Variants in HSD11B1 observed in about 807,000 individuals in gnomAD.
The protein encoded by HSD11B1 is 11-beta-hydroxysteroid dehydrogenase 1.
Under a neutral mutation model 22.1 loss-of-function variants are expected in HSD11B1, and 15 were observed. The observed-to-expected ratio is 0.68, with a 90% CI of 0.45 to 1.04. HSD11B1 has a LOEUF of 1.04. HSD11B1 is among the 50% of genes least tolerant of loss of function. The probability of loss-of-function intolerance (pLI) is 0.00; values close to 1 mark genes in which losing one functional copy is unlikely to be tolerated. For synonymous variants in HSD11B1, 122 were observed against 125.2 expected, an observed-to-expected ratio of 0.97 and a Z score of 0.17; for missense variants, 281 against 357.6, an observed-to-expected ratio of 0.79 and a Z score of 1.73.
upstream of HSD11B1, among the ~76,000 whole-genome samples, chr1:209,704,505 G>A (rs2076844038): frequency 6.6e-6 from 1 of 152,000 alleles, no homozygotes; most frequent in South Asian, 2.1e-4. Flanking sequence ...GGCTCTCTTT[G>A]CTATTACTCA....
rs191796401 is a variant in HSD11B1 at position 209,708,790 on chromosome 1, C to T, written c.517+1662C>T. Among the ~76,000 whole-genome samples the T allele has an allele frequency of 1.1e-4, 16 of 152,326 alleles. No homozygotes were observed. In the East Asian group the frequency reaches 3.1e-3, roughly 29 times the overall value. On this transcript the variant is annotated intron_variant, in intron 4 of 5. Coordinates refer to ENST00000367027, the MANE Select transcript of HSD11B1 (RefSeq NM_005525.4). The stretch of plus-strand genomic sequence containing the variant: ...AAGGACTAAGAATTACTGTTGAGCC[C>T]AAGGACGTGATGAAATTCTGATAAT...
intron 4 of HSD11B1, among the ~76,000 whole-genome samples, chr1:209,715,565 G>A (rs2076924921): frequency 6.6e-6 from 1 of 152,152 alleles, no homozygotes; most frequent in South Asian, 2.1e-4. Context: ...ACATTACCAG[G>A]ACACAGAGGC....
At chr1:209,730,227 AG>A (rs2077027196) in intron 4 of HSD11B1, among the ~76,000 whole-genome samples, 1 of 152,238 alleles carries the variant, frequency 6.6e-6, no homozygotes. Flanking sequence ...CCTTCTTCTC[AG>A]GTAATAGTTT....
chr1:209,690,147 T>C (rs2076750815), intron 1 of HSD11B1, among the ~76,000 whole-genome samples: 2 of 151,720 alleles, frequency 1.3e-5, no homozygotes, highest in South Asian at 4.2e-4. Flanking sequence ...GAGACCCCAG[T>C]CTCTACAAAT....
chr1:209,707,165 A>C, intron 4 of HSD11B1, 37 bp downstream of exon 4: 1 of 1,393,932 alleles, frequency 7.2e-7, no homozygotes, highest in South Asian at 1.3e-5. Context: ...AGGTAGAAGA[A>C]AAAAAAAAAT....
rs779069856 is a variant in HSD11B1, at chr1:209,706,658, C to G, written c.220-51C>G. 8.0e-7 allele frequency: 1 copy of G among 1,257,120 alleles called. No homozygotes were observed. The highest frequency in any genetic ancestry group is 1.2e-5 in the South Asian group (1 of 83,698). 77.9% of individuals were successfully genotyped at this position (1,257,120 alleles called of 1,614,324 possible). Reference sequence around the variant, plus strand: ...GCCCCCCGTTACTTCAGAGACTACCCCCCAAAAATCTGCAGCTAAGACTGA... The same window carrying G: ...GCCCCCCGTTACTTCAGAGACTACCGCCCAAAAATCTGCAGCTAAGACTGA... On this transcript the variant is annotated intron_variant, in intron 2 of 5. Transcript: ENST00000367027. This position sits in a 1 kb window ranked among gnomAD's most constrained non-coding sequence, Gnocchi z 4.0.
chr1:209,709,436 G>A (rs973760992), intron 4 of HSD11B1, among the ~76,000 whole-genome samples: 2 of 152,132 alleles, frequency 1.3e-5, no homozygotes, highest in African/African-American at 4.8e-5. Context: ...CCGTTACATT[G>A]ATTAGCCTCC....
rs1467435144 is a variant in HSD11B1, at chr1:209,734,556, T to G, written c.*35T>G. Reference sequence around the variant, plus strand: ...GAGGGCTGGGCATGCTGAGGGATTTTGGGACTGTTCTGTCTCATGTTTATC... The same window carrying G: ...GAGGGCTGGGCATGCTGAGGGATTTGGGGACTGTTCTGTCTCATGTTTATC... On this transcript the variant is annotated 3_prime_UTR_variant, in exon 6 of 6. Transcript: ENST00000367027. The G allele has an allele frequency of 2.7e-6, 4 of 1,479,474 alleles. No homozygotes were observed. Among genetic ancestry groups the G allele is most frequent in the African/African-American group, 2.8e-5 (2 of 72,324 alleles). The allele number at this position is 1,479,474 out of a possible 1,614,324, so 91.6% of individuals were successfully genotyped here. A position where few individuals can be genotyped will look rare whatever the true frequency, so the allele number is the denominator to read the frequency against.
chr1:209,726,586 T>G (rs1225718308), intron 4 of HSD11B1, among the ~76,000 whole-genome samples: 1 of 152,090 alleles, frequency 6.6e-6, no homozygotes, highest in Non-Finnish European at 1.5e-5. Context: ...AGACCCTGTT[T>G]CTAACAACAA....
Position 209,709,933 on chromosome 1 carries a change from G to A in HSD11B1, c.517+2805G>A, listed in dbSNP as rs1453331844. 5.4e-5 allele frequency among the ~76,000 whole-genome samples: 7 copies of A among 129,922 alleles called. No homozygotes were observed. The East Asian group carries it at 1.8e-3, about 34-fold the overall frequency. The allele number at this position is 129,922 out of a possible 152,430, so 85.2% of individuals were successfully genotyped here. ...GTATACCCTCCAGGCCATCCCACAT[G>A]TGAAACACACACACACACACACACA... On this transcript the variant is annotated intron_variant, in intron 4 of 5. Coordinates refer to ENST00000367027, the MANE Select transcript of HSD11B1 (RefSeq NM_005525.4).
rs911183112 is a variant in HSD11B1 at position 209,725,843 on chromosome 1, G to A, written c.518-6593G>A. ...GTCCTTATTTGCACATGGTCCTTAC[G>A]TGCATTGAATTTGAGTACTGGCTTA... On this transcript the variant is annotated intron_variant, in intron 4 of 5. Transcript: ENST00000367027. Among the ~76,000 whole-genome samples, 12 of 152,240 alleles carry A rather than the reference G, an allele frequency of 7.9e-5. No individual in the cohort carries two copies. In the East Asian group the frequency reaches 1.2e-3, roughly 15 times the overall value.
intron 4 of HSD11B1, among the ~76,000 whole-genome samples, chr1:209,729,496 T>C (rs912883410): frequency 1.6e-4 from 24 of 152,072 alleles, no homozygotes; most frequent in South Asian, 6.2e-4. Context: ...ATCTAAACTA[T>C]CTAAATGTTT....
intron 2 of HSD11B1, 44 bp downstream of exon 2, chr1:209,705,985 A>C: frequency 6.2e-7 from 1 of 1,611,948 alleles, no homozygotes; most frequent in Non-Finnish European, 8.5e-7. Context: ...TCACATGCTC[A>C]GATGTGTTCT....
intron 1 of HSD11B1, among the ~76,000 whole-genome samples, chr1:209,686,864 G>A (rs2076731558): frequency 6.6e-6 from 1 of 152,134 alleles, no homozygotes. Context: ...GACCAAGGGA[G>A]GCCTAAACGT....
intron 4 of HSD11B1, among the ~76,000 whole-genome samples, chr1:209,731,843 T>C (rs1438586528): frequency 1.3e-5 from 2 of 152,216 alleles, no homozygotes; most frequent in Admixed American, 6.5e-5. Context: ...GCCTCCCGAG[T>C]AGCTAGGACT....
intron 1 of HSD11B1, among the ~76,000 whole-genome samples, chr1:209,694,063 C>T (rs2076776500): frequency 6.6e-6 from 1 of 152,184 alleles, no homozygotes; most frequent in Non-Finnish European, 1.5e-5. Context: ...GCCCAACCCT[C>T]AAACATGAGT....
intron 4 of HSD11B1, among the ~76,000 whole-genome samples, chr1:209,715,941 T>C (rs891167715): frequency 2.0e-5 from 3 of 152,080 alleles, no homozygotes; most frequent in Non-Finnish European, 4.4e-5. Context: ...GATTCAAAAA[T>C]GGGCAAAGGA....
chr1:209,734,566 C>T lies in HSD11B1; in HGVS notation c.*45C>T. 2 of 1,378,938 alleles carry T rather than the reference C, an allele frequency of 1.5e-6. No individual in the cohort carries two copies. The highest frequency in any genetic ancestry group is 2.1e-6 in the Non-Finnish European group (2 of 971,208). 85.4% of individuals were successfully genotyped at this position (1,378,938 alleles called of 1,614,324 possible). A position where few individuals can be genotyped will look rare whatever the true frequency, so the allele number is the denominator to read the frequency against. On this transcript the variant is annotated 3_prime_UTR_variant, in exon 6 of 6. Transcript: ENST00000367027. ...CATGCTGAGGGATTTTGGGACTGTT[C>T]TGTCTCATGTTTATCTGAGCTCTTA...
intron 4 of HSD11B1, among the ~76,000 whole-genome samples, chr1:209,714,705 G>C (rs889439036): frequency 2.0e-5 from 3 of 152,076 alleles, no homozygotes; most frequent in African/African-American, 7.2e-5. Context: ...TAGCATCCTT[G>C]GCTCTGAATA....
Sources: gnomAD v4.1 joint callset for allele counts (sites outside exome capture counted in the v4.1 genomes callset) on GRCh38, gnomAD v4.1.1 for gene constraint, Gnocchi (gnomAD v3.1) non-coding constraint, MANE v1.5 for transcripts, NCBI Gene and HGNC (gene_info 2026-07-23, HGNC 2026-07-21) for gene names.